SLC24A2: variants seen among roughly 807,000 people sequenced by gnomAD.
SLC24A2 encodes solute carrier family 24 member 2, also known as sodium/potassium/calcium exchanger 2.
SLC24A2 carries 36 observed loss-of-function variants against 62.0 expected under a neutral mutation model. That is an observed-to-expected ratio of 0.58 (90% CI 0.44 to 0.77). The LOEUF (loss-of-function observed/expected upper bound fraction) is 0.77, where lower values mean the gene tolerates loss of function less well. Among genes scored for constraint, SLC24A2 ranks in the 30% least tolerant of loss-of-function variants. The pLI is 0.00. For synonymous variants in SLC24A2, 358 were observed against 294.0 expected, an observed-to-expected ratio of 1.22 and a Z score of -2.23; for missense variants, 846 against 817.9, an observed-to-expected ratio of 1.03 and a Z score of -0.42.
the SLC24A2 span, among the ~76,000 whole-genome samples, chr9:20,007,178 T>G: frequency 6.6e-6 from 1 of 152,174 alleles, no homozygotes; most frequent in East Asian, 1.9e-4. Context: ...TAAAAAACAG[T>G]TTTCACAAGA....
the SLC24A2 span, among the ~76,000 whole-genome samples, chr9:19,983,901 T>C: frequency 2.6e-5 from 4 of 152,206 alleles, no homozygotes; most frequent in African/African-American, 4.8e-5. Flanking sequence ...TGTTCATGAA[T>C]TGGAAGATAA....
chr9:20,305,734 A>C, the SLC24A2 span, among the ~76,000 whole-genome samples: 1 of 152,202 alleles, frequency 6.6e-6, no homozygotes. Context: ...CCAAGATGTC[A>C]AGCAATTAAC....
At chr9:19,675,058 G>T (rs1305710372) in intron 2 of SLC24A2, among the ~76,000 whole-genome samples, 1 of 152,176 alleles carries the variant, frequency 6.6e-6, no homozygotes, top group African/African-American at 2.4e-5. Context: ...CTCCCTTGAG[G>T]TAGTGCTCTC....
At chr9:20,268,831 C>G in the SLC24A2 span, among the ~76,000 whole-genome samples, 2 of 152,136 alleles carry the variant, frequency 1.3e-5, no homozygotes, top group African/African-American at 4.8e-5. Flanking sequence ...TGCAGGCAGT[C>G]TCTGGCCCAA....
At chr9:19,576,858 T>C (rs1259443048) in intron 6 of SLC24A2, 66 bp downstream of exon 6, 2 of 1,208,126 alleles carry the variant, frequency 1.7e-6, no homozygotes, top group African/African-American at 1.5e-5. Flanking sequence ...CCCACACTGG[T>C]CCTGACTCTC....
At chr9:19,766,145 T>G (rs567077828) in intron 2 of SLC24A2, among the ~76,000 whole-genome samples, 1 of 152,354 alleles carries the variant, frequency 6.6e-6, no homozygotes, top group East Asian at 1.9e-4. Flanking sequence ...TTCAGCTCAG[T>G]CAGGTCATTT....
At chr9:19,956,377 C>T in the SLC24A2 span, among the ~76,000 whole-genome samples, 1 of 152,168 alleles carries the variant, frequency 6.6e-6, no homozygotes, top group Non-Finnish European at 1.5e-5. Context: ...TTTGTGTCCC[C>T]CTGACATTCC....
the SLC24A2 span, among the ~76,000 whole-genome samples, chr9:20,103,793 C>T: frequency 0.1 from 15,303 of 149,304 alleles, 846 homozygotes; most frequent in Middle Eastern, 0.17. Context: ...GCAGAGCGCC[C>T]CTCCTCCTCC....
the SLC24A2 span, among the ~76,000 whole-genome samples, chr9:20,113,086 G>A: frequency 6.6e-6 from 1 of 152,042 alleles, no homozygotes; most frequent in Admixed American, 6.6e-5. Context: ...GAGTTTTGGG[G>A]CATAGAACCC....
intron 10 of SLC24A2, among the ~76,000 whole-genome samples, chr9:19,519,993 A>G (rs535509665): frequency 6.6e-6 from 1 of 152,328 alleles, no homozygotes; most frequent in South Asian, 2.1e-4. Flanking sequence ...AGGGGTGATA[A>G]TACATACTTC....
At chr9:19,838,569 G>A in the SLC24A2 span, among the ~76,000 whole-genome samples, 26 of 151,688 alleles carry the variant, frequency 1.7e-4, no homozygotes, top group African/African-American at 3.9e-4. Flanking sequence ...AACTTGGGAG[G>A]CGGAAGTTGC....
the SLC24A2 span, among the ~76,000 whole-genome samples, chr9:19,993,831 G>T: frequency 6.6e-6 from 1 of 152,088 alleles, no homozygotes; most frequent in African/African-American, 2.4e-5. Flanking sequence ...ACAGAGCCTT[G>T]AACTTCATGC....
Position 19,626,329 on chromosome 9 carries a change from T to C in SLC24A2, c.931-4030A>G, listed in dbSNP as rs115476211. ...AAGAGGATACTAACATGTCCATGGT[T>C]CACTCTGGTAATTATCTACTTACAA... On this transcript the variant is annotated intron_variant, in intron 2 of 10. Transcript: ENST00000341998. 1.6e-3 allele frequency among the ~76,000 whole-genome samples: 238 copies of C among 152,366 alleles called. 2 individuals carry two copies. Among genetic ancestry groups the C allele is most frequent in the African/African-American group, 5.5e-3 (230 of 41,592 alleles).
chr9:19,564,540 G>C (rs74494757), intron 7 of SLC24A2, among the ~76,000 whole-genome samples: 964 of 71,552 alleles, frequency 0.013, 5 homozygotes, highest in South Asian at 0.053. Flanking sequence ...ATCTCTCTCT[G>C]TATCTATCTG....
chr9:19,642,756 C>T (rs1818537656), intron 2 of SLC24A2, among the ~76,000 whole-genome samples: 1 of 137,236 alleles, frequency 7.3e-6, no homozygotes, highest in East Asian at 2.4e-4. Context: ...TCTCGGCTCA[C>T]TGCAAGCTCC....
the SLC24A2 span, among the ~76,000 whole-genome samples, chr9:19,811,954 G>T: frequency 5.3e-5 from 8 of 151,874 alleles, no homozygotes; most frequent in African/African-American, 1.9e-4. Flanking sequence ...TCTTAGTGCA[G>T]GTTTGCTGAT....
chr9:20,113,395 T>C, the SLC24A2 span, among the ~76,000 whole-genome samples: 81 of 152,238 alleles, frequency 5.3e-4, no homozygotes, highest in Non-Finnish European at 7.6e-4. Flanking sequence ...AAATGATTAA[T>C]AGTAAAAAGC....
the SLC24A2 span, among the ~76,000 whole-genome samples, chr9:20,198,249 G>C: frequency 6.6e-6 from 1 of 152,188 alleles, no homozygotes; most frequent in Non-Finnish European, 1.5e-5. Flanking sequence ...CTTTTTTCTT[G>C]TTTGAAGTCA....
the SLC24A2 span, among the ~76,000 whole-genome samples, chr9:19,796,326 A>G: frequency 6.6e-6 from 1 of 151,864 alleles, no homozygotes; most frequent in Non-Finnish European, 1.5e-5. Flanking sequence ...ACTCTCTGAT[A>G]TAACTGTTCA....
Sources: allele counts gnomAD v4.1 joint callset (sites outside exome capture counted in the v4.1 genomes callset), GRCh38; gene constraint gnomAD v4.1.1; transcripts MANE v1.5; gene names NCBI Gene and HGNC (gene_info 2026-07-23, HGNC 2026-07-21).